Variants in TMCC2 observed in about 807,000 individuals in gnomAD.
The protein encoded by TMCC2 is transmembrane and coiled-coil domains protein 2.
TMCC2 carries 16 observed loss-of-function variants against 49.4 expected under a neutral mutation model. The observed-to-expected ratio is 0.32, with a 90% CI of 0.22 to 0.49. The LOEUF is 0.49. TMCC2 is among the 20% of genes least tolerant of loss of function. The probability of loss-of-function intolerance (pLI) is 0.99; values close to 1 mark genes in which losing one functional copy is unlikely to be tolerated. For synonymous variants in TMCC2, 397 were observed against 434.1 expected (o/e 0.91, Z 1.06); for missense variants, 762 against 989.8 (o/e 0.77, Z 3.09).
chr1:205,268,773 A>T (rs1661450228), intron 2 of TMCC2, 177 bp from the exon 3 acceptor site: 1 of 629,264 alleles, frequency 1.6e-6, no homozygotes, highest in Non-Finnish European at 2.8e-6. Context: ...CGGGGTAGAG[A>T]GCAGATGTGA....
intron 1 of TMCC2, chr1:205,236,356 A>G (rs991625638): frequency 1.3e-5 from 2 of 152,250 alleles, no homozygotes; most frequent in African/African-American, 2.4e-5. Context: ...GTTAGACACA[A>G]GAAAAGGCTG....
intron 2 of TMCC2, among the ~76,000 whole-genome samples, chr1:205,268,285 C>T (rs1481851140): frequency 2.0e-5 from 3 of 152,236 alleles, no homozygotes; most frequent in Non-Finnish European, 2.9e-5. Flanking sequence ...AGTGAGGCCT[C>T]AGACCTGCCT....
chr1:205,256,147 A>G, intron 2 of TMCC2: 3 of 1,337,178 alleles, frequency 2.2e-6, no homozygotes, highest in Non-Finnish European at 3.0e-6. Flanking sequence ...CTACCCAATC[A>G]ACGTGACGCG....
Position 205,247,809 on chromosome 1 carries a change from A to G in TMCC2, c.747+5765A>G, listed in dbSNP as rs979339744. Reference sequence around the variant, plus strand: ...GAACTCACCAGCTGGCTTTCGGACCAGAGCAGCCCTGGCAGGGTTGAGTCC... The same window carrying G: ...GAACTCACCAGCTGGCTTTCGGACCGGAGCAGCCCTGGCAGGGTTGAGTCC... On this transcript the variant is annotated intron_variant, in intron 2 of 4. Transcript: ENST00000358024. Among the ~76,000 whole-genome samples, 5 of 152,332 alleles carry G rather than the reference A, an allele frequency of 3.3e-5. No individual in the cohort carries two copies. The East Asian group carries it at 9.6e-4, about 29-fold the overall frequency.
intron 3 of TMCC2, 95 bp from the exon 4 acceptor site, chr1:205,271,025 A>G: frequency 6.5e-7 from 1 of 1,528,140 alleles, no homozygotes; most frequent in African/African-American, 1.4e-5. Context: ...GGATGGGCTG[A>G]GTCATTGTTT....
Position 205,271,696 on chromosome 1 carries a change from C to G in TMCC2, c.1819-117C>G. The G allele has an allele frequency of 2.2e-6, 3 of 1,358,516 alleles. No homozygotes were observed. The South Asian group carries it at 4.3e-5, about 19-fold the overall frequency. 84.2% of individuals were successfully genotyped at this position (1,358,516 alleles called of 1,614,324 possible). A position where few individuals can be genotyped will look rare whatever the true frequency, so the allele number is the denominator to read the frequency against. On this transcript the variant is annotated intron_variant, in intron 4 of 4. Coordinates refer to ENST00000358024, the MANE Select transcript of TMCC2 (RefSeq NM_014858.4). Reference sequence around the variant, plus strand: ...TGCAGCTGGTCAACCTCCACTCCTCCTGGCCTTTGGAGAGGAGACTTCGTT... The same window carrying G: ...TGCAGCTGGTCAACCTCCACTCCTCGTGGCCTTTGGAGAGGAGACTTCGTT...
intron 1 of TMCC2, among the ~76,000 whole-genome samples, chr1:205,238,027 A>C (rs990903936): frequency 6.6e-6 from 1 of 152,198 alleles, no homozygotes; most frequent in Non-Finnish European, 1.5e-5. Flanking sequence ...CAGCTCTCTA[A>C]TGCATGGCTT....
chr1:205,263,471 G>A (rs1574862517), intron 2 of TMCC2, among the ~76,000 whole-genome samples: 2 of 152,086 alleles, frequency 1.3e-5, no homozygotes, highest in African/African-American at 4.8e-5. Flanking sequence ...CAAGAGGATT[G>A]CTTAAGCCCA....
chr1:205,263,285 A>G (rs574372525), intron 2 of TMCC2, among the ~76,000 whole-genome samples: 1 of 152,186 alleles, frequency 6.6e-6, no homozygotes, highest in Admixed American at 6.5e-5. Flanking sequence ...TTTAAATGCT[A>G]TGGCCAATAT....
Position 205,272,280 on chromosome 1 carries a change from G to C in TMCC2, c.*156G>C. 7.2e-7 allele frequency: 1 copy of C among 1,387,466 alleles called. No individual in the cohort carries two copies. Among genetic ancestry groups the C allele is most frequent in the Non-Finnish European group, 9.5e-7 (1 of 1,053,958 alleles). The allele number at this position is 1,387,466 out of a possible 1,614,324, so 85.9% of individuals were successfully genotyped here. ...CCCTTCTCTGTACTTGCTTCTGTCT[G>C]ACACCTTCTCCCTGTTGGCCTGAAG... On this transcript the variant is annotated 3_prime_UTR_variant, in exon 5 of 5. Transcript: ENST00000358024.
At position 205,264,803 on chromosome 1, in the gene TMCC2, AAATTTGT is replaced by A. The variant is rs1661257631; in HGVS notation, c.748-4145_748-4139del. ...CACTGCGCCTGGCCCCTGTATTTTA[AAATTTGT>A]ATTATTATTATTTTAATCCATGGTT... is the stretch of plus-strand genomic sequence containing the variant. On this transcript the variant is annotated intron_variant, in intron 2 of 4. Transcript: ENST00000358024. The surrounding 1 kb of genome is among the most constrained non-coding windows in gnomAD (Gnocchi z 4.2). 6.6e-6 allele frequency among the ~76,000 whole-genome samples: 1 copy of A among 152,068 alleles called. No individual in the cohort carries two copies. The highest frequency in any genetic ancestry group is 1.5e-5 in the Non-Finnish European group (1 of 68,006).
intron 2 of TMCC2, among the ~76,000 whole-genome samples, chr1:205,244,186 G>A (rs140495757): frequency 9.2e-5 from 14 of 152,268 alleles, no homozygotes; most frequent in African/African-American, 2.4e-4. Flanking sequence ...AGGGTATCAG[G>A]TGGAGGCAGT....
chr1:205,250,259 G>A (rs973277966), intron 2 of TMCC2, among the ~76,000 whole-genome samples: 2 of 152,220 alleles, frequency 1.3e-5, no homozygotes, highest in Admixed American at 1.3e-4. Flanking sequence ...TGAAAATATC[G>A]GCCGGGCACG....
At chr1:205,230,829 T>C (rs1349797304) in intron 1 of TMCC2, among the ~76,000 whole-genome samples, 1 of 139,310 alleles carries the variant, frequency 7.2e-6, no homozygotes, top group Non-Finnish European at 1.7e-5. Context: ...TTTTTTTCTT[T>C]CTTTCTTTCT....
At chr1:205,249,328 G>A (rs991588541) in intron 2 of TMCC2, among the ~76,000 whole-genome samples, 2 of 152,216 alleles carry the variant, frequency 1.3e-5, no homozygotes, top group African/African-American at 4.8e-5. Context: ...GCATAAATAA[G>A]CACCCCTGTT....
intron 2 of TMCC2, among the ~76,000 whole-genome samples, chr1:205,244,573 T>C (rs1393063400): frequency 6.6e-6 from 1 of 152,120 alleles, no homozygotes; most frequent in Non-Finnish European, 1.5e-5. Context: ...TCTGGTGTTG[T>C]AGAGGCTGGT....
At chr1:205,267,546 T>C (rs577251746) in intron 2 of TMCC2, among the ~76,000 whole-genome samples, 2 of 152,276 alleles carry the variant, frequency 1.3e-5, no homozygotes, top group African/African-American at 4.8e-5. Flanking sequence ...CGTTGTTGTA[T>C]GGCGATAAGA....
At chr1:205,235,961 C>T (rs1030850777) in intron 1 of TMCC2, among the ~76,000 whole-genome samples, 2 of 150,524 alleles carry the variant, frequency 1.3e-5, no homozygotes, top group East Asian at 2.0e-4. Flanking sequence ...CCTAGCTGCT[C>T]GGGAGGCTGA....
rs750095503 is a variant in TMCC2, at chr1:205,269,547, C to T, written c.1345C>T (p.Leu449=). The T allele has an allele frequency of 6.2e-7, 1 of 1,613,790 alleles. No individual in the cohort carries two copies. The highest frequency in any genetic ancestry group is 8.5e-7 in the Non-Finnish European group (1 of 1,179,898). The part of the protein sequence containing the change: ...ADNIAHLKDP[L]EDGPPEEAAR... ...CAACATCGCCCACCTGAAGGACCCC[C>T]TGGAAGATGGGCCCCCTGAGGAGGC... is the stretch of plus-strand genomic sequence containing the variant. Residue 449 remains leucine, a synonymous_variant, in exon 3 of 5, where the codon CTG becomes TTG. Transcript: ENST00000358024.
Sources: allele counts gnomAD v4.1 joint callset (sites outside exome capture counted in the v4.1 genomes callset), GRCh38; gene constraint gnomAD v4.1.1; non-coding constraint Gnocchi (gnomAD v3.1); transcripts MANE v1.5; gene names NCBI Gene and HGNC (gene_info 2026-07-23, HGNC 2026-07-21).